NFX1: variants seen among roughly 807,000 people sequenced by gnomAD.
NFX1 encodes the protein transcriptional repressor NF-X1.
In NFX1, 69 loss-of-function variants were observed where a neutral mutation model predicts 137.2. The ratio of observed to expected loss-of-function variants is 0.50; its 90% CI spans 0.41 to 0.61. NFX1 has a LOEUF of 0.61. Ranked by LOEUF, NFX1 falls within the 20% of genes least tolerant of loss-of-function variation. The pLI, the probability that NFX1 is intolerant of heterozygous loss-of-function variation, is 0.00. For synonymous variants in NFX1, 495 were observed against 474.1 expected, an observed-to-expected ratio of 1.04 and a Z score of -0.57; for missense variants, 1,167 against 1,391.0, an observed-to-expected ratio of 0.84 and a Z score of 2.56.
chr9:33,353,861 T>C (rs560074712), intron 17 of NFX1, among the ~76,000 whole-genome samples: 49 of 152,144 alleles, frequency 3.2e-4, no homozygotes, highest in African/African-American at 1.1e-3. Context: ...GCTAATTTTT[T>C]GTATTTTTAG....
In NFX1 at chr9:33,294,955, A is replaced by G. The variant is rs764416905; in HGVS notation, c.561A>G (p.Lys187=). 1.9e-6 allele frequency: 3 copies of G among 1,614,070 alleles called. No homozygotes were observed. Among genetic ancestry groups the G allele is most frequent in the Non-Finnish European group, 2.5e-6 (3 of 1,180,016 alleles). ...SYGRGPKVKG[K]LKCEWSNRTT... is the part of the protein sequence containing the mutation. ...GTAGAGGACCAAAAGTCAAGGGGAA[A>G]CTCAAATGTGAATGGAGTAACCGAA... Residue 187 remains lysine (K), a synonymous_variant, in exon 2 of 24, where the codon AAA becomes AAG. Transcript: ENST00000379540.
chr9:33,334,427 T>G (rs7048066), intron 11 of NFX1, among the ~76,000 whole-genome samples: 1,836 of 152,252 alleles, frequency 0.012, 43 homozygotes, highest in African/African-American at 0.039. Flanking sequence ...TTGCACTCTA[T>G]CCTGGTGACA....
At chr9:33,303,102 A>G (rs1180407208) in intron 3 of NFX1, 89 bp from the exon 4 acceptor site, 1 of 985,060 alleles carries the variant, frequency 1.0e-6, no homozygotes, top group African/African-American at 1.6e-5. Flanking sequence ...CTACTTCAAT[A>G]TTGTGTCTTC....
At chr9:33,339,411 C>G (rs766183390) in intron 12 of NFX1, among the ~76,000 whole-genome samples, 1 of 152,166 alleles carries the variant, frequency 6.6e-6, no homozygotes, top group East Asian at 1.9e-4. Context: ...TTCACTATCA[C>G]GAGAACAGCA....
intron 2 of NFX1, among the ~76,000 whole-genome samples, chr9:33,297,814 T>C (rs1821412498): frequency 6.6e-6 from 1 of 152,196 alleles, no homozygotes; most frequent in South Asian, 2.1e-4. Flanking sequence ...CAGATCTCTC[T>C]GACTTCTGTT....
At chr9:33,293,617 A>G (rs1357706589) in intron 1 of NFX1, among the ~76,000 whole-genome samples, 1 of 152,228 alleles carries the variant, frequency 6.6e-6, no homozygotes, top group Non-Finnish European at 1.5e-5. Flanking sequence ...TATGCTACAC[A>G]TAGTTCTGAC....
intron 19 of NFX1, among the ~76,000 whole-genome samples, chr9:33,362,371 C>T (rs1824022414): frequency 6.6e-6 from 1 of 151,818 alleles, no homozygotes; most frequent in African/African-American, 2.4e-5. Flanking sequence ...CTGAAGTGGC[C>T]AACATGGCTG....
intron 19 of NFX1, among the ~76,000 whole-genome samples, chr9:33,361,448 A>C (rs1823986002): frequency 6.6e-6 from 1 of 152,122 alleles, no homozygotes; most frequent in Non-Finnish European, 1.5e-5. Flanking sequence ...GGGGTGAGAC[A>C]ATTTTGAATA....
intron 19 of NFX1, among the ~76,000 whole-genome samples, chr9:33,356,517 C>A (rs1346446394): frequency 1.3e-5 from 2 of 151,864 alleles, no homozygotes; most frequent in African/African-American, 4.8e-5. Context: ...TTAATATTAT[C>A]CAGTTTATTT....
At chr9:33,367,778 G>A (rs565135572) in intron 23 of NFX1, among the ~76,000 whole-genome samples, 159 bp downstream of exon 23, 10 of 152,330 alleles carry the variant, frequency 6.6e-5, no homozygotes, top group Non-Finnish European at 1.0e-4. Context: ...TATCAGACAC[G>A]TTTGTTCCCA....
intron 7 of NFX1, among the ~76,000 whole-genome samples, chr9:33,315,036 A>G (rs1416380423): frequency 6.6e-6 from 1 of 152,166 alleles, no homozygotes; most frequent in Non-Finnish European, 1.5e-5. Flanking sequence ...CTTCCTCTCC[A>G]TTACTGCAAT....
At chr9:33,303,060 G>T in intron 3 of NFX1, 131 bp from the exon 4 acceptor site, 3 of 488,138 alleles carry the variant, frequency 6.1e-6, no homozygotes, top group Non-Finnish European at 1.1e-5. Context: ...TTCCTTAAAT[G>T]TCTGATATGC....
In NFX1 at chr9:33,344,203, G is replaced by C. The variant is rs1295330616; in HGVS notation, c.2344+15G>C. On this transcript the variant is annotated intron_variant, in intron 14 of 23. Coordinates refer to ENST00000379540, the MANE Select transcript of NFX1 (RefSeq NM_002504.6). ...TGACCATCCAGGTGAGTACCAACTT[G>C]TCTTCACACTTCAGCCTGCTCACAC... 1 of 1,613,322 alleles carries C rather than the reference G, an allele frequency of 6.2e-7. No homozygotes were observed. Among genetic ancestry groups the C allele is most frequent in the Admixed American group, 1.7e-5 (1 of 59,984 alleles).
intron 7 of NFX1, among the ~76,000 whole-genome samples, chr9:33,315,817 A>G: frequency 6.6e-6 from 1 of 151,462 alleles, no homozygotes; most frequent in South Asian, 2.1e-4. Context: ...GCTTGAGCCC[A>G]GGAGGCGGAG....
intron 9 of NFX1, among the ~76,000 whole-genome samples, chr9:33,327,295 G>A (rs1822629924): frequency 6.6e-6 from 1 of 152,180 alleles, no homozygotes; most frequent in Admixed American, 6.5e-5. Flanking sequence ...AAAGTGCTGG[G>A]ATTACAGGCA....
At chr9:33,325,613 G>A (rs559304775) in intron 9 of NFX1, among the ~76,000 whole-genome samples, 4 of 152,220 alleles carry the variant, frequency 2.6e-5, no homozygotes, top group Admixed American at 6.5e-5. Flanking sequence ...GCAGTGAGCC[G>A]AGATTGCGCC....
intron 7 of NFX1, among the ~76,000 whole-genome samples, chr9:33,317,899 C>G (rs561275406): frequency 5.5e-4 from 67 of 121,608 alleles, no homozygotes; most frequent in South Asian, 1.7e-3. Context: ...TTGCATGAAC[C>G]GGGGAGGTGG....
rs564442925 is a variant in NFX1 at position 33,317,853 on chromosome 9, A to G, written c.1589-878A>G. On this transcript the variant is annotated intron_variant, in intron 7 of 23. Coordinates refer to ENST00000379540, the MANE Select transcript of NFX1 (RefSeq NM_002504.6). ...TAGCTGGGCGTGGTGGCGGGCCCCTATAATCCCAGCTACTTGGGAGGCTGA... is the reference window on the plus strand; with the variant it reads ...TAGCTGGGCGTGGTGGCGGGCCCCTGTAATCCCAGCTACTTGGGAGGCTGA... Among the ~76,000 whole-genome samples the G allele has an allele frequency of 3.5e-4, 53 of 151,480 alleles. 1 individual carries two copies. Among genetic ancestry groups the G allele is most frequent in the Admixed American group, 2.8e-3 (43 of 15,180 alleles).
At chr9:33,343,509 G>C (rs750021585) in intron 13 of NFX1, among the ~76,000 whole-genome samples, 2 of 152,136 alleles carry the variant, frequency 1.3e-5, no homozygotes, top group African/African-American at 4.8e-5. Flanking sequence ...CCTTACACAG[G>C]AGAAGGGAAG....
Sources: gnomAD v4.1 joint callset for allele counts (sites outside exome capture counted in the v4.1 genomes callset) on GRCh38, gnomAD v4.1.1 for gene constraint, MANE v1.5 for transcripts, NCBI Gene and HGNC (gene_info 2026-07-23, HGNC 2026-07-21) for gene names.